Variants in HHAT observed in about 807,000 individuals in gnomAD.
The protein encoded by HHAT is protein-cysteine N-palmitoyltransferase HHAT.
HHAT carries 47 observed loss-of-function variants against 70.8 expected under a neutral mutation model. The ratio of observed to expected loss-of-function variants is 0.66; its 90% CI spans 0.53 to 0.85. The LOEUF is 0.85. Ranked by LOEUF, HHAT falls within the 40% of genes least tolerant of loss-of-function variation. The probability of loss-of-function intolerance (pLI) is 0.00; values close to 1 mark genes in which losing one functional copy is unlikely to be tolerated. For missense variants in HHAT, 609 were observed against 604.8 expected (o/e 1.01, Z -0.07); for synonymous variants, 228 against 247.6 (o/e 0.92, Z 0.74).
intron 7 of HHAT, among the ~76,000 whole-genome samples, chr1:210,447,031 G>A (rs79059393): frequency 0.012 from 1,865 of 152,078 alleles, 31 homozygotes; most frequent in African/African-American, 0.041. Flanking sequence ...TAGTGCAGCG[G>A]GTCAGGCTAA....
chr1:210,580,682 T>A (rs1181467342), intron 9 of HHAT, among the ~76,000 whole-genome samples: 1 of 152,188 alleles, frequency 6.6e-6, no homozygotes, highest in African/African-American at 2.4e-5. Context: ...TTCCTTTATA[T>A]GTCTGCATAG....
chr1:210,536,259 T>G (rs2095371029), intron 9 of HHAT, among the ~76,000 whole-genome samples: 1 of 152,280 alleles, frequency 6.6e-6, no homozygotes, highest in Non-Finnish European at 1.5e-5. Context: ...TTTACCATCC[T>G]TCATCCACCT....
chr1:210,668,762 CTTTTA>C (rs1362018304), intron 11 of HHAT, among the ~76,000 whole-genome samples: 1 of 151,968 alleles, frequency 6.6e-6, no homozygotes, highest in Non-Finnish European at 1.5e-5. Context: ...TTCATATTAC[CTTTTA>C]TTTATTTATT....
At chr1:210,370,231 A>G (rs1008182459) in intron 3 of HHAT, among the ~76,000 whole-genome samples, 2 of 139,784 alleles carry the variant, frequency 1.4e-5, no homozygotes, top group Non-Finnish European at 3.0e-5. Context: ...GCTGGAGTGC[A>G]GTGCATGATC....
chr1:210,623,756 G>A, intron 11 of HHAT, 86 bp downstream of exon 11: 1 of 1,373,220 alleles, frequency 7.3e-7, no homozygotes, highest in Non-Finnish European at 1.0e-6. Flanking sequence ...GATGGGATTT[G>A]GGGGAAGTCA....
chr1:210,456,572 G>A (rs1354679569), intron 7 of HHAT, among the ~76,000 whole-genome samples: 1 of 152,342 alleles, frequency 6.6e-6, no homozygotes, highest in African/African-American at 2.4e-5. Context: ...CCGTGCACAG[G>A]CAGGTAGATT....
intron 3 of HHAT, 57 bp downstream of exon 3, chr1:210,362,976 A>T (rs1291674587): frequency 1.5e-6 from 2 of 1,335,764 alleles, no homozygotes; most frequent in African/African-American, 2.9e-5. Flanking sequence ...AATATTTCAC[A>T]TCACATTTGT....
chr1:210,637,318 A>C (rs1286481730), intron 11 of HHAT, among the ~76,000 whole-genome samples: 1 of 152,200 alleles, frequency 6.6e-6, no homozygotes, highest in Non-Finnish European at 1.5e-5. Context: ...TAAAACTCTT[A>C]AAAGAAGATA....
At chr1:210,436,559 G>A (rs1036556526) in intron 7 of HHAT, among the ~76,000 whole-genome samples, 2 of 151,674 alleles carry the variant, frequency 1.3e-5, no homozygotes, top group African/African-American at 2.4e-5. Context: ...CAGGGGGTTT[G>A]TGACTCTCCC....
At chr1:210,646,048 ACT>A (rs975664118) in intron 11 of HHAT, among the ~76,000 whole-genome samples, 1 of 151,740 alleles carries the variant, frequency 6.6e-6, no homozygotes, top group African/African-American at 2.4e-5. Flanking sequence ...ATAATGGGAA[ACT>A]CACCCCCGTG....
At chr1:210,651,348 T>C (rs527903036) in intron 11 of HHAT, among the ~76,000 whole-genome samples, 2 of 152,270 alleles carry the variant, frequency 1.3e-5, no homozygotes, top group African/African-American at 4.8e-5. Context: ...TATGGGGAAT[T>C]ACACAAGTAT....
intron 11 of HHAT, among the ~76,000 whole-genome samples, chr1:210,670,044 G>C (rs1051243584): frequency 2.0e-5 from 3 of 152,156 alleles, no homozygotes; most frequent in African/African-American, 7.2e-5. Context: ...GAGGAAGTCA[G>C]AGTTTGTCAG....
chr1:210,649,150 C>T (rs1426310810), intron 11 of HHAT, among the ~76,000 whole-genome samples: 1 of 152,190 alleles, frequency 6.6e-6, no homozygotes, highest in Non-Finnish European at 1.5e-5. Context: ...ATATATTCAA[C>T]TCTGGTAAGT....
chr1:210,560,579 G>T (rs887759205), intron 9 of HHAT, among the ~76,000 whole-genome samples: 1 of 151,456 alleles, frequency 6.6e-6, no homozygotes, highest in African/African-American at 2.4e-5. Context: ...ACTTTGGGAG[G>T]CTGAGGCAGG....
rs188025599 is a variant in HHAT at position 210,651,030 on chromosome 1, G to A, written c.1391-23258G>A. Reference sequence around the variant, plus strand: ...AGGAGCCACACAATCTCATCCCTAGGGGGAGAGAGGAACCAGCTCAGAATG... The same window carrying A: ...AGGAGCCACACAATCTCATCCCTAGAGGGAGAGAGGAACCAGCTCAGAATG... On this transcript the variant is annotated intron_variant, in intron 11 of 11. Transcript: ENST00000261458. Among the ~76,000 whole-genome samples, 534 of 152,288 alleles carry A rather than the reference G, an allele frequency of 3.5e-3. 1 individual carries two copies. Among genetic ancestry groups the A allele is most frequent in the Non-Finnish European group, 5.3e-3 (360 of 68,018 alleles).
At chr1:210,389,252 G>A (rs2091288911) in intron 4 of HHAT, among the ~76,000 whole-genome samples, 1 of 152,216 alleles carries the variant, frequency 6.6e-6, no homozygotes, top group Non-Finnish European at 1.5e-5. Context: ...CAGTTATGGA[G>A]GCTGGGAAGT....
Position 210,349,038 on chromosome 1 carries a change from C to G in HHAT, c.63C>G (p.Ser21=). 6.2e-7 allele frequency: 1 copy of G among 1,614,066 alleles called. No individual in the cohort carries two copies. The highest frequency in any genetic ancestry group is 8.5e-7 in the Non-Finnish European group (1 of 1,179,998). ...LLASLGFHFY[S]FYEVYKVSRE... is the part of the protein sequence containing the mutation. ...CCTCACTAGGCTTCCACTTCTATTC[C>G]TTCTATGAAGTTTACAAAGTCTCCA... Residue 21 remains serine, a synonymous_variant, in exon 2 of 12, where the codon TCC becomes TCG. Transcript: ENST00000261458.
At chr1:210,404,184 G>A (rs6677509) in intron 5 of HHAT, among the ~76,000 whole-genome samples, 29,331 of 152,096 alleles carry the variant, frequency 0.19, 3,035 homozygotes, top group African/African-American at 0.27. Context: ...GAAAACCTTC[G>A]TTATGTTGTG....
At chr1:210,380,730 C>G (rs2090569771) in intron 3 of HHAT, among the ~76,000 whole-genome samples, 1 of 151,930 alleles carries the variant, frequency 6.6e-6, no homozygotes, top group African/African-American at 2.4e-5. Flanking sequence ...TGTCCTCATT[C>G]ACATGATGCT....
Sources: allele counts gnomAD v4.1 joint callset (sites outside exome capture counted in the v4.1 genomes callset), GRCh38; gene constraint gnomAD v4.1.1; transcripts MANE v1.5; gene names NCBI Gene and HGNC (gene_info 2026-07-23, HGNC 2026-07-21).